The following DPP10 variants were observed in gnomAD, a reference collection of about 807,000 sequenced individuals.
DPP10 encodes dipeptidyl peptidase like 10, also known as inactive dipeptidyl peptidase 10.
DPP10 carries 33 observed loss-of-function variants against 120.9 expected under a neutral mutation model. The observed-to-expected ratio is 0.27, with a 90% CI of 0.21 to 0.37. The LOEUF (loss-of-function observed/expected upper bound fraction) is 0.37, where lower values mean the gene tolerates loss of function less well. DPP10 is among the 10% of genes least tolerant of loss of function. The pLI is 1.00. For synonymous variants in DPP10, 337 were observed against 326.1 expected (o/e 1.03, Z -0.36); for missense variants, 816 against 942.8 (o/e 0.87, Z 1.76).
intron 13 of DPP10, 136 bp from the exon 14 acceptor site, chr2:115,777,072 G>A (rs768946631): frequency 1.0e-5 from 7 of 701,800 alleles, no homozygotes; most frequent in Non-Finnish European, 1.7e-5. Context: ...GTTCATTCTT[G>A]AGCTGTGGAA....
chr2:115,283,905 A>C (rs2060260750), intron 1 of DPP10, among the ~76,000 whole-genome samples: 1 of 152,026 alleles, frequency 6.6e-6, no homozygotes, highest in Non-Finnish European at 1.5e-5. Flanking sequence ...GTGGTCTAGG[A>C]GCAATAGGCT....
At position 114,645,794 on chromosome 2, in the gene DPP10, C is replaced by T. The variant is rs74925646; in HGVS notation, c.60+202956C>T. 3.2e-4 allele frequency among the ~76,000 whole-genome samples: 48 copies of T among 152,258 alleles called. No individual in the cohort carries two copies. In the East Asian group the frequency reaches 7.9e-3, roughly 25 times the overall value. On this transcript the variant is annotated intron_variant, in intron 1 of 25. Coordinates refer to ENST00000410059, the MANE Select transcript of DPP10 (RefSeq NM_020868.6). ...TTTCCAGGGCCCTAAATATTTCTAA[C>T]TTGTATGGCACCTGGGAACAAATCA...
At chr2:114,593,871 G>T (rs780325123) in intron 1 of DPP10, among the ~76,000 whole-genome samples, 3 of 152,104 alleles carry the variant, frequency 2.0e-5, no homozygotes, top group Non-Finnish European at 4.4e-5. Context: ...ATCAGCCTAG[G>T]ACACCCAAAG....
At chr2:114,840,304 G>A (rs1688055884) in intron 1 of DPP10, among the ~76,000 whole-genome samples, 1 of 152,144 alleles carries the variant, frequency 6.6e-6, no homozygotes, top group Non-Finnish European at 1.5e-5. Flanking sequence ...GGTCAGCAGA[G>A]TGGGAAGATA....
chr2:114,981,034 A>T (rs1006113547), intron 1 of DPP10, among the ~76,000 whole-genome samples: 20 of 148,932 alleles, frequency 1.3e-4, no homozygotes, highest in Non-Finnish European at 1.9e-4. Context: ...TTCTGCAGTG[A>T]GTGTATGGAG....
At chr2:114,761,482 C>T (rs113303695) in intron 1 of DPP10, among the ~76,000 whole-genome samples, 9 of 152,238 alleles carry the variant, frequency 5.9e-5, no homozygotes, top group African/African-American at 2.2e-4. Flanking sequence ...CAGATAATAT[C>T]TCTCTCTGTA....
At chr2:114,879,706 A>C (rs911315320) in intron 1 of DPP10, among the ~76,000 whole-genome samples, 3 of 152,062 alleles carry the variant, frequency 2.0e-5, no homozygotes, top group African/African-American at 7.2e-5. Flanking sequence ...GAAAGAAAAA[A>C]AACAGAAAAT....
At chr2:115,171,346 G>A (rs111603886) in intron 1 of DPP10, among the ~76,000 whole-genome samples, 6 of 133,744 alleles carry the variant, frequency 4.5e-5, no homozygotes, top group African/African-American at 1.8e-4. Flanking sequence ...GGGTGGCAGA[G>A]CGAGACTCCA....
At chr2:114,984,314 GA>G (rs1700269143) in intron 1 of DPP10, among the ~76,000 whole-genome samples, 1 of 152,172 alleles carries the variant, frequency 6.6e-6, no homozygotes, top group Non-Finnish European at 1.5e-5. Flanking sequence ...CTGGTTTGCA[GA>G]ATGGGGCTAG....
chr2:115,358,958 C>T (rs147580927), intron 3 of DPP10, among the ~76,000 whole-genome samples: 15 of 152,240 alleles, frequency 9.9e-5, no homozygotes, highest in East Asian at 7.7e-4. Context: ...TACCTCCCAC[C>T]GGATCCCTCC....
intron 1 of DPP10, among the ~76,000 whole-genome samples, chr2:115,168,707 G>A (rs887124584): frequency 1.3e-5 from 2 of 152,100 alleles, no homozygotes; most frequent in East Asian, 1.9e-4. Context: ...AATGGTTGTC[G>A]TTTTCAGTAT....
At chr2:115,650,603 G>A (rs1010019180) in intron 5 of DPP10, among the ~76,000 whole-genome samples, 1 of 152,010 alleles carries the variant, frequency 6.6e-6, no homozygotes, top group African/African-American at 2.4e-5. Context: ...AAGAAAGACT[G>A]TTATTGTTTA....
intron 1 of DPP10, among the ~76,000 whole-genome samples, chr2:114,610,364 A>G (rs1201574278): frequency 2.0e-5 from 3 of 152,132 alleles, no homozygotes; most frequent in African/African-American, 7.2e-5. Flanking sequence ...AGGGGAACGG[A>G]TATCCTAATG....
chr2:114,669,392 A>G (rs906074765), intron 1 of DPP10, among the ~76,000 whole-genome samples: 1 of 152,154 alleles, frequency 6.6e-6, no homozygotes, highest in African/African-American at 2.4e-5. Flanking sequence ...GTATGTTTCT[A>G]TAATAAAAAC....
At chr2:115,057,054 A>G (rs1705979341) in intron 1 of DPP10, among the ~76,000 whole-genome samples, 1 of 152,218 alleles carries the variant, frequency 6.6e-6, no homozygotes, top group South Asian at 2.1e-4. Context: ...ATCCCCATGA[A>G]AAACAAAAGA....
chr2:115,242,907 A>G (rs1266356464), intron 1 of DPP10, among the ~76,000 whole-genome samples: 2 of 152,198 alleles, frequency 1.3e-5, no homozygotes, highest in Admixed American at 6.5e-5. Context: ...AACTAGCTTG[A>G]AAGTATTTAA....
intron 4 of DPP10, among the ~76,000 whole-genome samples, chr2:115,501,602 A>T (rs1414895175): frequency 6.6e-6 from 1 of 152,114 alleles, no homozygotes; most frequent in African/African-American, 2.4e-5. Context: ...TTTATGTCAC[A>T]ACACAGATAA....
chr2:114,768,187 C>T (rs1680914835), intron 1 of DPP10, among the ~76,000 whole-genome samples: 1 of 147,862 alleles, frequency 6.8e-6, no homozygotes, highest in African/African-American at 2.5e-5. Flanking sequence ...AATTATATAC[C>T]AAGCAAAATG....
chr2:114,478,527 T>C (rs1680718677), intron 1 of DPP10, among the ~76,000 whole-genome samples: 1 of 152,052 alleles, frequency 6.6e-6, no homozygotes, highest in African/African-American at 2.4e-5. Flanking sequence ...ATTCTCACCA[T>C]TCTTATTGGA....
Sources: allele counts gnomAD v4.1 joint callset (sites outside exome capture counted in the v4.1 genomes callset), GRCh38; gene constraint gnomAD v4.1.1; transcripts MANE v1.5; gene names NCBI Gene and HGNC (gene_info 2026-07-23, HGNC 2026-07-21).